The following OSBP2 variants were observed in gnomAD, a reference collection of about 807,000 sequenced individuals.
OSBP2 encodes the protein oxysterol-binding protein 2.
Under a neutral mutation model 96.0 loss-of-function variants are expected in OSBP2, and 66 were observed. That is an observed-to-expected ratio of 0.69 (90% CI 0.56 to 0.84). The LOEUF (loss-of-function observed/expected upper bound fraction) is 0.84. Among genes scored for constraint, OSBP2 ranks in the 40% least tolerant of loss-of-function variants. The pLI, the probability that OSBP2 is intolerant of heterozygous loss-of-function variation, is 0.00. For synonymous variants in OSBP2, 525 were observed against 520.9 expected (o/e 1.01, Z -0.11); for missense variants, 1,038 against 1,222.7 (o/e 0.85, Z 2.25).
chr22:30,703,477 T>C (rs373445877), intron 1 of OSBP2, among the ~76,000 whole-genome samples: 8 of 149,670 alleles, frequency 5.3e-5, no homozygotes, highest in African/African-American at 1.5e-4. Context: ...CCCGGCCTTA[T>C]AGCTTTTTTT....
intron 2 of OSBP2, among the ~76,000 whole-genome samples, chr22:30,789,821 C>T (rs2090647152): frequency 1.3e-5 from 2 of 152,202 alleles, no homozygotes; most frequent in African/African-American, 4.8e-5. Context: ...GAAGGAGGGT[C>T]TGCCCTTGAG....
chr22:30,698,119 C>G lies in OSBP2; in HGVS notation c.644+2566C>G, dbSNP rs113330687. 1.3e-3 allele frequency among the ~76,000 whole-genome samples: 199 copies of G among 152,254 alleles called. 1 individual carries two copies. The highest frequency in any genetic ancestry group is 4.3e-3 in the African/African-American group (178 of 41,544). On this transcript the variant is annotated intron_variant, in intron 1 of 13. Coordinates refer to ENST00000332585, the MANE Select transcript of OSBP2 (RefSeq NM_030758.4). Reference sequence around the variant, plus strand: ...GCATCCTCCAGGTCTGTCACGTAACCCTGACAGCAGCAGGGTGGGTTTTCG... The same window carrying G: ...GCATCCTCCAGGTCTGTCACGTAACGCTGACAGCAGCAGGGTGGGTTTTCG...
Position 30,857,147 on chromosome 22 carries a change from GC to G in OSBP2, c.854-13276del, listed in dbSNP as rs1299149231. 2.6e-5 allele frequency among the ~76,000 whole-genome samples: 4 copies of G among 152,208 alleles called. No individual in the cohort carries two copies. The East Asian group carries it at 7.7e-4, about 29-fold the overall frequency. ...CCAGCCGACGGTAGTGACTGCAGCA[GC>G]CCCCCTGGCAGGGACCCTCTAAGCG... On this transcript the variant is annotated intron_variant, in intron 2 of 13. Coordinates refer to ENST00000332585, the MANE Select transcript of OSBP2 (RefSeq NM_030758.4).
At chr22:30,893,025 C>A in intron 8 of OSBP2, 97 bp from the exon 9 acceptor site, 1 of 1,490,404 alleles carries the variant, frequency 6.7e-7, no homozygotes, top group Non-Finnish European at 9.2e-7. Context: ...CAGAGCTGTG[C>A]CTGCTGAGGC....
At chr22:30,833,755 A>G (rs147714738) in intron 2 of OSBP2, among the ~76,000 whole-genome samples, 5 of 152,320 alleles carry the variant, frequency 3.3e-5, no homozygotes, top group African/African-American at 7.2e-5. Flanking sequence ...CTTCTAGTGT[A>G]TTAACCTCTT....
At chr22:30,904,980 A>G (rs1391444865) in intron 12 of OSBP2, among the ~76,000 whole-genome samples, 1 of 151,994 alleles carries the variant, frequency 6.6e-6, no homozygotes, top group East Asian at 1.9e-4. Context: ...TACTAAAAAT[A>G]CAATAAAATT....
In OSBP2 at chr22:30,881,663, C is replaced by T. The variant is rs925843698; in HGVS notation, c.1108-5763C>T. The T allele has an allele frequency of 6.1e-6, 8 of 1,303,816 alleles. No homozygotes were observed. Among genetic ancestry groups the T allele is most frequent in the South Asian group, 2.5e-5 (2 of 81,016 alleles). The allele number at this position is 1,303,816 out of a possible 1,614,324, so 80.8% of individuals were successfully genotyped here. A position where few individuals can be genotyped will look rare whatever the true frequency, so the allele number is the denominator to read the frequency against. On this transcript the variant is annotated intron_variant, in intron 3 of 13. Coordinates refer to ENST00000332585, the MANE Select transcript of OSBP2 (RefSeq NM_030758.4). The surrounding 1 kb of genome is among the most constrained non-coding windows in gnomAD (Gnocchi z 4.5). The stretch of plus-strand genomic sequence containing the variant: ...AGCCTAATCCAGCTTATCAAGCACA[C>T]AGCACACAGCCCAGCTCAGCATTCT...
intron 2 of OSBP2, among the ~76,000 whole-genome samples, chr22:30,853,604 G>A (rs985069692): frequency 2.1e-4 from 32 of 152,022 alleles, no homozygotes; most frequent in African/African-American, 7.2e-4. Context: ...TAAAGTCTCT[G>A]ACTTTTAATT....
chr22:30,759,252 G>T (rs2090178470), intron 2 of OSBP2, among the ~76,000 whole-genome samples: 1 of 152,180 alleles, frequency 6.6e-6, no homozygotes, highest in African/African-American at 2.4e-5. Flanking sequence ...GGAGGCTGAG[G>T]CAGGAGAATC....
chr22:30,714,933 G>A (rs2089422335), intron 1 of OSBP2, among the ~76,000 whole-genome samples: 1 of 152,086 alleles, frequency 6.6e-6, no homozygotes, highest in Non-Finnish European at 1.5e-5. Flanking sequence ...GTTTCTTTTG[G>A]ATATATACGC....
chr22:30,874,361 A>G (rs909011143), intron 3 of OSBP2, among the ~76,000 whole-genome samples: 2 of 152,152 alleles, frequency 1.3e-5, no homozygotes, highest in Non-Finnish European at 2.9e-5. Context: ...GCAGTGAGCC[A>G]AGATCACGCC....
chr22:30,906,211 G>A lies in OSBP2; in HGVS notation c.2623G>A (p.Ala875Thr), dbSNP rs554774114. 14 of 1,614,034 alleles carry A rather than the reference G, an allele frequency of 8.7e-6. No individual in the cohort carries two copies. Among genetic ancestry groups the A allele is most frequent in the East Asian group, 6.7e-5 (3 of 44,878 alleles). The change falls in exon 14 of 14, where the codon GCC becomes ACC. Residue 875 changes from alanine to threonine, a missense_variant. By Grantham distance (58) the Ala-to-Thr change is moderately conservative (BLOSUM62 0). Coordinates refer to ENST00000332585, the MANE Select transcript of OSBP2 (RefSeq NM_030758.4). ...CSSEEEKEAD[A>T]YTPLWFEKRL... ...CTGCCCAGCAGAGAAGGAGGCGGATGCCTACACGCCACTGTGGTTTGAGAA... is the reference window on the plus strand; with the variant it reads ...CTGCCCAGCAGAGAAGGAGGCGGATACCTACACGCCACTGTGGTTTGAGAA...
At chr22:30,730,734 C>CTCTCTCTG (rs2089741046) in intron 1 of OSBP2, among the ~76,000 whole-genome samples, 2 of 29,282 alleles carry the variant, frequency 6.8e-5, no homozygotes, top group Non-Finnish European at 1.3e-4. Context: ...CTCTCTCTCT[C>CTCTCTCTG]TCTCTCTCTC....
chr22:30,815,801 T>C (rs2091076466), intron 2 of OSBP2, among the ~76,000 whole-genome samples: 1 of 152,238 alleles, frequency 6.6e-6, no homozygotes, highest in African/African-American at 2.4e-5. Flanking sequence ...TTTTAATGGC[T>C]GTGTAATATT....
Position 30,695,140 on chromosome 22 carries a change from GC to G in OSBP2, c.233del (p.Pro78GlnfsTer37). 1 of 1,604,862 alleles carries G rather than the reference GC, an allele frequency of 6.2e-7. No homozygotes were observed. Among genetic ancestry groups the G allele is most frequent in the Non-Finnish European group, 8.5e-7 (1 of 1,174,680 alleles). On this transcript the variant is annotated frameshift_variant, in exon 1 of 14. Coordinates refer to ENST00000332585, the MANE Select transcript of OSBP2 (RefSeq NM_030758.4). LOFTEE classifies it high-confidence loss of function. ...QVSEAVSEAV[P>X]RSEPVSETTS... ...TGTCGGAGGCAGTTTCGGAGGCAGT[GC>G]CAAGATCGGAACCTGTGTCCGAGAC...
At chr22:30,877,212 C>T (rs573561307) in intron 3 of OSBP2, among the ~76,000 whole-genome samples, 4 of 152,224 alleles carry the variant, frequency 2.6e-5, no homozygotes, top group South Asian at 2.1e-4. Context: ...ATGAATGAAT[C>T]GCTTAGTGTC....
chr22:30,761,930 A>G (rs1011227702), intron 2 of OSBP2, among the ~76,000 whole-genome samples: 2 of 152,218 alleles, frequency 1.3e-5, no homozygotes, highest in African/African-American at 4.8e-5. Context: ...ATTTATATAA[A>G]ATTTAACTCA....
rs1007121146 is a variant in OSBP2 at position 30,695,033 on chromosome 22, T to C, written c.124T>C (p.Ser42Pro). The C allele has an allele frequency of 2.4e-5, 38 of 1,589,754 alleles. No individual in the cohort carries two copies. The highest frequency in any genetic ancestry group is 3.1e-5 in the Non-Finnish European group (36 of 1,169,850). The change falls in exon 1 of 14, where the codon TCC becomes CCC. Residue 42 changes from serine to proline, a missense_variant. Physicochemically the swap from Ser to Pro is moderately conservative, Grantham distance 74. This residue lies in a region of OSBP2 where 281 missense variants were observed against 273.4 expected (regional missense o/e 1.03). Transcript: ENST00000332585. ...CACGGCGGCGCCGGGCATGAGCGCT[T>C]CCACGTCCGGCTCCGGGCCGGAGCC... ...CHTAAPGMSA[S>P]TSGSGPEPKP...
intron 2 of OSBP2, among the ~76,000 whole-genome samples, chr22:30,803,762 G>A (rs998744293): frequency 5.9e-5 from 9 of 152,188 alleles, no homozygotes; most frequent in African/African-American, 1.7e-4. Context: ...CTCAGGCAGA[G>A]GAGCTCTGGA....
Sources: gnomAD v4.1 joint callset for allele counts (sites outside exome capture counted in the v4.1 genomes callset) on GRCh38, gnomAD v4.1.1 for gene constraint, gnomAD v4.1.1 regional missense constraint, Gnocchi (gnomAD v3.1) non-coding constraint, MANE v1.5 for transcripts, NCBI Gene and HGNC (gene_info 2026-07-23, HGNC 2026-07-21) for gene names.